XKR6: variants seen among roughly 807,000 people sequenced by gnomAD.
XKR6 encodes the protein XK-related protein 6.
In XKR6, 22 loss-of-function variants were observed where a neutral mutation model predicts 56.7. The observed-to-expected ratio is 0.39, with a 90% confidence interval of 0.28 to 0.55. The LOEUF (loss-of-function observed/expected upper bound fraction) is 0.55. Ranked by LOEUF, XKR6 falls within the 20% of genes least tolerant of loss-of-function variation. The pLI is 0.66. For synonymous variants in XKR6, 524 were observed against 387.8 expected, an observed-to-expected ratio of 1.35 and a Z score of -4.13; for missense variants, 852 against 889.0, an observed-to-expected ratio of 0.96 and a Z score of 0.53.
chr8:10,939,675 C>G (rs2129123091), intron 1 of XKR6, among the ~76,000 whole-genome samples: 1 of 152,362 alleles, frequency 6.6e-6, no homozygotes, highest in South Asian at 2.1e-4. Flanking sequence ...GTAAAGCTTC[C>G]CCTAAGTCGC....
chr8:11,128,176 A>G (rs1466571225), intron 1 of XKR6, among the ~76,000 whole-genome samples: 2 of 152,224 alleles, frequency 1.3e-5, no homozygotes, highest in Non-Finnish European at 1.5e-5. Flanking sequence ...TTTTTCTACT[A>G]GAAACAGGAA....
intron 1 of XKR6, among the ~76,000 whole-genome samples, chr8:11,064,427 G>A (rs1799925969): frequency 1.4e-5 from 2 of 144,440 alleles, no homozygotes; most frequent in Non-Finnish European, 3.0e-5. Context: ...TTCCTAATCC[G>A]TTATCGTGCC....
chr8:11,177,772 G>A (rs1802734691), intron 1 of XKR6, among the ~76,000 whole-genome samples: 1 of 152,238 alleles, frequency 6.6e-6, no homozygotes, highest in Non-Finnish European at 1.5e-5. Context: ...CAGAATCTCA[G>A]GGGAGCAGTG....
At chr8:11,069,921 G>A (rs560643115) in intron 1 of XKR6, among the ~76,000 whole-genome samples, 1 of 152,256 alleles carries the variant, frequency 6.6e-6, no homozygotes, top group Admixed American at 6.5e-5. Flanking sequence ...TTCTCAGGAG[G>A]GCCTTGATAT....
At chr8:11,104,337 G>A (rs1432108994) in intron 1 of XKR6, among the ~76,000 whole-genome samples, 7 of 152,212 alleles carry the variant, frequency 4.6e-5, no homozygotes, top group Non-Finnish European at 1.5e-5. Context: ...TTTTAAATAG[G>A]CCAAGGAAGA....
intron 1 of XKR6, among the ~76,000 whole-genome samples, chr8:11,178,838 T>G (rs1028925378): frequency 4.6e-4 from 69 of 150,918 alleles, no homozygotes; most frequent in African/African-American, 1.6e-3. Context: ...TCTTCTTCCC[T>G]TTTTTCTTTT....
chr8:10,919,132 A>G (rs1040753571), intron 2 of XKR6, among the ~76,000 whole-genome samples: 2 of 152,014 alleles, frequency 1.3e-5, no homozygotes, highest in African/African-American at 4.8e-5. Context: ...TCTCACCCCA[A>G]CTGCCAAGCT....
intron 2 of XKR6, among the ~76,000 whole-genome samples, chr8:10,917,984 C>T (rs1800607228): frequency 6.6e-6 from 1 of 152,200 alleles, no homozygotes; most frequent in Non-Finnish European, 1.5e-5. Context: ...TGTTATCTAT[C>T]AAGAATCTCA....
intron 1 of XKR6, among the ~76,000 whole-genome samples, chr8:11,170,431 A>C (rs929933259): frequency 6.6e-6 from 1 of 152,226 alleles, no homozygotes; most frequent in Non-Finnish European, 1.5e-5. Context: ...CATTATGTGA[A>C]AGTAAAAGAA....
chr8:10,969,896 C>A (rs1017434427), intron 1 of XKR6, among the ~76,000 whole-genome samples: 1 of 152,254 alleles, frequency 6.6e-6, no homozygotes, highest in Non-Finnish European at 1.5e-5. Context: ...GCCGTCCCGC[C>A]TCTCACCCAT....
At chr8:10,976,610 A>G (rs1230168343) in intron 1 of XKR6, among the ~76,000 whole-genome samples, 1 of 152,196 alleles carries the variant, frequency 6.6e-6, no homozygotes, top group Non-Finnish European at 1.5e-5. Flanking sequence ...AGGGTGAGAA[A>G]GACAGTCTCC....
intron 1 of XKR6, among the ~76,000 whole-genome samples, chr8:11,144,266 G>C (rs1188250885): frequency 7.1e-6 from 1 of 141,086 alleles, no homozygotes; most frequent in Non-Finnish European, 1.5e-5. Context: ...ATCTAAAGTA[G>C]GCTTCACAGG....
chr8:11,134,067 T>C (rs142731349), intron 1 of XKR6, among the ~76,000 whole-genome samples: 27 of 152,320 alleles, frequency 1.8e-4, no homozygotes, highest in Non-Finnish European at 2.9e-4. Context: ...TGCTGTTCTA[T>C]ATAAATGGCC....
At chr8:11,113,919 C>A (rs1202187160) in intron 1 of XKR6, 3 of 258,844 alleles carry the variant, frequency 1.2e-5, no homozygotes, top group East Asian at 1.2e-4. Context: ...GAGGAAGGAA[C>A]TGGGGCAGCA....
At position 11,147,403 on chromosome 8, in the gene XKR6, C is replaced by T. The variant is rs150379166; in HGVS notation, c.764+53173G>A. ...GATGGCGGCCAGGCGCGGTGGCTCA[C>T]GCCTGTAATCCCAGCACTTTGGGAG... is the stretch of plus-strand genomic sequence containing the variant. On this transcript the variant is annotated intron_variant, in intron 1 of 2. Transcript: ENST00000416569. Among the ~76,000 whole-genome samples, 882 of 152,240 alleles carry T rather than the reference C, an allele frequency of 5.8e-3. 11 individuals are homozygous for T. Among genetic ancestry groups the T allele is most frequent in the African/African-American group, 0.02 (850 of 41,536 alleles).
intron 1 of XKR6, among the ~76,000 whole-genome samples, chr8:10,992,402 CTG>C (rs1468185022): frequency 6.6e-6 from 1 of 152,164 alleles, no homozygotes; most frequent in Non-Finnish European, 1.5e-5. Context: ...TGCCAGATCT[CTG>C]TGTCTAACTG....
At chr8:11,142,648 C>T (rs889479635) in intron 1 of XKR6, among the ~76,000 whole-genome samples, 1 of 152,166 alleles carries the variant, frequency 6.6e-6, no homozygotes, top group East Asian at 1.9e-4. Context: ...TCTCCCCCTT[C>T]GCCTTCCACT....
At chr8:11,156,556 A>C (rs1801528486) in intron 1 of XKR6, among the ~76,000 whole-genome samples, 1 of 152,222 alleles carries the variant, frequency 6.6e-6, no homozygotes. Context: ...GTCTACAGCA[A>C]ATATCAGTTT....
chr8:11,034,582 T>C (rs533621369), intron 1 of XKR6, among the ~76,000 whole-genome samples: 1 of 152,270 alleles, frequency 6.6e-6, no homozygotes, highest in South Asian at 2.1e-4. Context: ...GGGAGTGACA[T>C]GCACCTTAGA....
Sources: gnomAD v4.1 joint callset for allele counts (sites outside exome capture counted in the v4.1 genomes callset) on GRCh38, gnomAD v4.1.1 for gene constraint, MANE v1.5 for transcripts, NCBI Gene and HGNC (gene_info 2026-07-23, HGNC 2026-07-21) for gene names.